The following ZNF385A variants were observed in gnomAD, a reference collection of about 807,000 sequenced individuals.
ZNF385A encodes hematopoietic zinc finger protein.
ZNF385A carries 14 observed loss-of-function variants against 32.1 expected under a neutral mutation model. The observed-to-expected ratio is 0.44, with a 90% CI of 0.29 to 0.68. The LOEUF is 0.68. Ranked by LOEUF, ZNF385A falls within the 30% of genes least tolerant of loss-of-function variation. The pLI, the probability that ZNF385A is intolerant of heterozygous loss-of-function variation, is 0.14. For missense variants in ZNF385A, 406 were observed against 478.4 expected (o/e 0.85, Z 1.41); for synonymous variants, 197 against 202.7 (o/e 0.97, Z 0.24).
chr12:54,388,918 C>T (rs1955566034), upstream of ZNF385A, among the ~76,000 whole-genome samples: 1 of 152,088 alleles, frequency 6.6e-6, no homozygotes, highest in African/African-American at 2.4e-5. Context: ...GCTTTGAAGT[C>T]AAAGATGAAA....
chr12:54,384,911 G>A, upstream of ZNF385A: 1 of 1,048,836 alleles, frequency 9.5e-7, no homozygotes. Flanking sequence ...TCAAGCCCCT[G>A]GCCACCCTCT....
chr12:54,387,803 T>C (rs1465480231), upstream of ZNF385A, among the ~76,000 whole-genome samples: 3 of 152,222 alleles, frequency 2.0e-5, no homozygotes, highest in African/African-American at 7.2e-5. Context: ...AGGAGAGTTA[T>C]TTGGCCAAGG....
At chr12:54,375,668 C>A (rs1954812332) in intron 2 of ZNF385A, among the ~76,000 whole-genome samples, 176 bp downstream of exon 2, 1 of 152,168 alleles carries the variant, frequency 6.6e-6, no homozygotes, top group African/African-American at 2.4e-5. Context: ...TCTCCAGTGC[C>A]TTCCACAAGA....
At chr12:54,375,122 A>G (rs951108509) in intron 2 of ZNF385A, among the ~76,000 whole-genome samples, 1 of 151,712 alleles carries the variant, frequency 6.6e-6, no homozygotes, top group Admixed American at 6.6e-5. Context: ...ACATGCTTTT[A>G]TTTTCCCCTA....
chr12:54,391,246 C>A (rs1955633683), exon 1 of ZNF385A: 5 of 1,378,424 alleles, frequency 3.6e-6, no homozygotes, highest in Non-Finnish European at 4.8e-6. Flanking sequence ...GAGGATCATG[C>A]TGGGGACCCA....
Position 54,370,340 on chromosome 12 carries a change from T to G in ZNF385A, c.1017A>C (p.Gly339=). The G allele has an allele frequency of 6.7e-7, 1 of 1,499,774 alleles. No individual in the cohort carries two copies. Among genetic ancestry groups the G allele is most frequent in the Non-Finnish European group, 8.9e-7 (1 of 1,123,620 alleles). 92.9% of individuals were successfully genotyped at this position (1,499,774 alleles called of 1,614,324 possible). A position where few individuals can be genotyped will look rare whatever the true frequency, so the allele number is the denominator to read the frequency against. The change falls in exon 7 of 7, where the codon GGA becomes GGC. Residue 339 remains glycine, a synonymous_variant. Coordinates refer to ENST00000394313, the MANE Select transcript of ZNF385A (RefSeq NM_015481.3). The surrounding 1 kb of genome is among the most constrained non-coding windows in gnomAD (Gnocchi z 5.5). Reference sequence around the variant, plus strand: ...GAAGCAGAGGGTGAGTGATCGGCGGTCCCTGGAGAAGAGGTGCGGCTGGAG... The same window carrying G: ...GAAGCAGAGGGTGAGTGATCGGCGGGCCCTGGAGAAGAGGTGCGGCTGGAG... ...RPAPAAPLLQ[G]PPITHPLLHP...
chr12:54,386,647 G>A (rs1444221322), upstream of ZNF385A, among the ~76,000 whole-genome samples: 1 of 152,150 alleles, frequency 6.6e-6, no homozygotes, highest in African/African-American at 2.4e-5. Context: ...CCTGCACCCA[G>A]CATCCACCCC....
At chr12:54,380,476 A>G (rs1457032781) in intron 1 of ZNF385A, among the ~76,000 whole-genome samples, 1 of 152,220 alleles carries the variant, frequency 6.6e-6, no homozygotes, top group African/African-American at 2.4e-5. Context: ...TAACTGCTGC[A>G]CAGTACTTCC....
Position 54,369,936 on chromosome 12 carries a change from T to C in ZNF385A, c.*320A>G, listed in dbSNP as rs1478273767. The C allele has an allele frequency of 2.1e-5, 5 of 234,106 alleles. No individual in the cohort carries two copies. Among genetic ancestry groups the C allele is most frequent in the Non-Finnish European group, 4.2e-5 (5 of 120,194 alleles). 14.5% of individuals were successfully genotyped at this position (234,106 alleles called of 1,614,324 possible). A position where few individuals can be genotyped will look rare whatever the true frequency, so the allele number is the denominator to read the frequency against. ...CTTGTGAACCCCGTTTTGTGCTAGG[T>C]TTGGGGGGAAGGGCTGGATGGACAT... On this transcript the variant is annotated 3_prime_UTR_variant, in exon 7 of 7. Transcript: ENST00000394313.
chr12:54,371,059 C>G lies in ZNF385A; in HGVS notation c.642G>C (p.Gly214=). The stretch of plus-strand genomic sequence containing the variant: ...GAGGGTAAGCTTTGATGGGCCCGAG[C>G]CCACTTCGGGCCTCCAGAATTGTCT... The part of the protein sequence containing the change: ...KHKTILEARS[G]LGPIKAYPRL... Residue 214 remains glycine, a synonymous_variant, in exon 5 of 7, where the codon GGG becomes GGC. Transcript: ENST00000394313. 6.2e-7 allele frequency: 1 copy of G among 1,613,054 alleles called. No homozygotes were observed. Among genetic ancestry groups the G allele is most frequent in the Non-Finnish European group, 8.5e-7 (1 of 1,179,540 alleles).
At chr12:54,382,113 G>A (rs1955217913) in intron 1 of ZNF385A, among the ~76,000 whole-genome samples, 1 of 151,390 alleles carries the variant, frequency 6.6e-6, no homozygotes, top group Non-Finnish European at 1.5e-5. Flanking sequence ...TGTTGCCCAG[G>A]CTGGAGTGCA....
At chr12:54,385,663 C>A (rs551962635), upstream of ZNF385A, 3 of 985,528 alleles carry the variant, frequency 3.0e-6, no homozygotes, top group South Asian at 9.4e-5. Context: ...GACACCACCC[C>A]CTTTCATACC....
chr12:54,378,651 A>G (rs1954968757), intron 1 of ZNF385A, among the ~76,000 whole-genome samples: 1 of 152,142 alleles, frequency 6.6e-6, no homozygotes, highest in African/African-American at 2.4e-5. Context: ...AGGGATGGGA[A>G]GACCTGAGGA....
chr12:54,388,569 G>T (rs1955553783), upstream of ZNF385A, among the ~76,000 whole-genome samples: 1 of 152,220 alleles, frequency 6.6e-6, no homozygotes, highest in South Asian at 2.1e-4. Flanking sequence ...AGTGTTGGTT[G>T]GAAGACTGGG....
At chr12:54,381,996 C>T (rs571906502) in intron 1 of ZNF385A, among the ~76,000 whole-genome samples, 220 of 152,088 alleles carry the variant, frequency 1.4e-3, no homozygotes, top group Non-Finnish European at 2.3e-3. Context: ...AACTGAGTCC[C>T]GTGTCCCTGA....
chr12:54,380,448 A>G (rs1453442198), intron 1 of ZNF385A, among the ~76,000 whole-genome samples: 4 of 152,058 alleles, frequency 2.6e-5, no homozygotes, highest in Non-Finnish European at 4.4e-5. Context: ...GGGCAGTCTG[A>G]CTCCAAAGCC....
chr12:54,371,262 G>C (rs757282809), intron 4 of ZNF385A, among the ~76,000 whole-genome samples, 166 bp from the exon 5 acceptor site: 4 of 152,144 alleles, frequency 2.6e-5, no homozygotes, highest in Non-Finnish European at 5.9e-5. Context: ...AGGTGGATCA[G>C]GAGAGAGTCA....
At chr12:54,379,231 C>CG in intron 1 of ZNF385A, 1 of 978,520 alleles carries the variant, frequency 1.0e-6, no homozygotes, top group Non-Finnish European at 1.2e-6. Flanking sequence ...GGCGCTGGCC[C>CG]GGGCCGGAGC....
At chr12:54,385,527 G>A (rs909636231), upstream of ZNF385A, 1 of 605,404 alleles carries the variant, frequency 1.7e-6, no homozygotes, top group Non-Finnish European at 2.1e-6. Context: ...CACTGCTCCA[G>A]TAACCCCCTG....
Sources: allele counts gnomAD v4.1 joint callset (sites outside exome capture counted in the v4.1 genomes callset), GRCh38; gene constraint gnomAD v4.1.1; non-coding constraint Gnocchi (gnomAD v3.1); transcripts MANE v1.5; gene names NCBI Gene and HGNC (gene_info 2026-07-23, HGNC 2026-07-21).